CNTN1: variants seen among roughly 807,000 people sequenced by gnomAD.
CNTN1 encodes the protein contactin-1.
Under a neutral mutation model 126.4 loss-of-function variants are expected in CNTN1, and 38 were observed. The ratio of observed to expected loss-of-function variants is 0.30; its 90% CI spans 0.23 to 0.39. CNTN1 has a LOEUF of 0.39. Among genes scored for constraint, CNTN1 ranks in the 10% least tolerant of loss-of-function variants. The probability of loss-of-function intolerance (pLI) is 1.00; values close to 1 mark genes in which losing one functional copy is unlikely to be tolerated. For missense variants in CNTN1, 1,009 were observed against 1,248.4 expected (o/e 0.81, Z 2.89); for synonymous variants, 413 against 422.6 (o/e 0.98, Z 0.28).
chr12:40,726,080 C>T (rs1292033780), intron 1 of CNTN1, among the ~76,000 whole-genome samples: 1 of 151,682 alleles, frequency 6.6e-6, no homozygotes, highest in Non-Finnish European at 1.5e-5. Context: ...AAAATAAAAC[C>T]TTTGTTTAAT....
intron 15 of CNTN1, among the ~76,000 whole-genome samples, chr12:40,966,643 A>C (rs756456898): frequency 6.6e-6 from 1 of 152,206 alleles, no homozygotes; most frequent in Non-Finnish European, 1.5e-5. Context: ...TTTAAAGTAC[A>C]TCAATAATTT....
chr12:40,867,631 A>C (rs549560873), intron 1 of CNTN1, among the ~76,000 whole-genome samples: 2 of 152,134 alleles, frequency 1.3e-5, no homozygotes, highest in Non-Finnish European at 2.9e-5. Context: ...TTGTCAATTT[A>C]AAAATAACTT....
At chr12:40,935,410 G>A (rs1296002124) in intron 9 of CNTN1, among the ~76,000 whole-genome samples, 1 of 151,972 alleles carries the variant, frequency 6.6e-6, no homozygotes, top group Non-Finnish European at 1.5e-5. Context: ...AGGTGACAGA[G>A]CACATATTTA....
chr12:40,851,126 C>A (rs752235188), intron 1 of CNTN1, among the ~76,000 whole-genome samples: 2 of 152,114 alleles, frequency 1.3e-5, no homozygotes, highest in Non-Finnish European at 2.9e-5. Context: ...TTTTCCAAAG[C>A]CTTTGAGTAG....
chr12:40,912,706 C>A (rs548052221), intron 3 of CNTN1, among the ~76,000 whole-genome samples: 2 of 151,836 alleles, frequency 1.3e-5, no homozygotes, highest in Non-Finnish European at 2.9e-5. Context: ...CTTTACAGTA[C>A]TTGCACCAAG....
intron 23 of CNTN1, among the ~76,000 whole-genome samples, chr12:41,053,304 T>C (rs1253958327): frequency 1.3e-5 from 2 of 150,194 alleles, no homozygotes; most frequent in African/African-American, 4.9e-5. Context: ...AATGGCTGAC[T>C]AAACTTCTAA....
chr12:40,933,868 T>C lies in CNTN1; in HGVS notation c.975T>C (p.Ile325=), dbSNP rs1945985063. 1 of 1,611,024 alleles carries C rather than the reference T, an allele frequency of 6.2e-7. No homozygotes were observed. Among genetic ancestry groups the C allele is most frequent in the African/African-American group, 1.3e-5 (1 of 74,802 alleles). ...GAAAGGATAAACATCAAGCAAGAAT[T>C]TATGTTCAAGGTAGATACATTATTT... ...IRGKDKHQAR[I]YVQAFPEWVE... The change falls in exon 9 of 24, where the codon ATT becomes ATC. Residue 325 remains isoleucine, a synonymous_variant. Coordinates refer to ENST00000551295, the MANE Select transcript of CNTN1 (RefSeq NM_001843.4).
intron 12 of CNTN1, among the ~76,000 whole-genome samples, chr12:40,942,360 C>A (rs911978719): frequency 6.6e-6 from 1 of 152,022 alleles, no homozygotes; most frequent in African/African-American, 2.4e-5. Context: ...CAGGTCTGAT[C>A]CCAGATGAAG....
At chr12:40,868,478 A>G (rs893905018) in intron 1 of CNTN1, among the ~76,000 whole-genome samples, 4 of 152,110 alleles carry the variant, frequency 2.6e-5, no homozygotes, top group Non-Finnish European at 4.4e-5. Flanking sequence ...CAGTCGCTAT[A>G]ATAATTTCTA....
chr12:40,918,703 A>T lies in CNTN1; in HGVS notation c.159A>T (p.Pro53=). The T allele has an allele frequency of 1.2e-6, 2 of 1,613,716 alleles. No individual in the cohort carries two copies. Among genetic ancestry groups the T allele is most frequent in the Non-Finnish European group, 1.7e-6 (2 of 1,179,674 alleles). ...FEEQPINTIY[P]EESLEGKVSL... ...AGCAGCCAATCAATACCATTTATCC[A>T]GAGGAATCACTGGAAGGAAAAGTCT... The change falls in exon 4 of 24, where the codon CCA becomes CCT. Residue 53 remains proline, a synonymous_variant. Transcript: ENST00000551295.
chr12:40,808,735 C>T (rs950756822), intron 1 of CNTN1, among the ~76,000 whole-genome samples: 4 of 152,038 alleles, frequency 2.6e-5, no homozygotes, highest in African/African-American at 9.7e-5. Context: ...ATTCCAACCA[C>T]CAGATTGGGT....
At chr12:40,810,287 A>G (rs1941010427) in intron 1 of CNTN1, among the ~76,000 whole-genome samples, 1 of 152,210 alleles carries the variant, frequency 6.6e-6, no homozygotes, top group African/African-American at 2.4e-5. Context: ...TGAGTCACAA[A>G]GTGATGTTTT....
At chr12:40,886,877 T>C (rs1408738188) in intron 1 of CNTN1, among the ~76,000 whole-genome samples, 1 of 152,236 alleles carries the variant, frequency 6.6e-6, no homozygotes, top group Non-Finnish European at 1.5e-5. Context: ...CAGATAGTTG[T>C]AGATATGTGG....
At chr12:40,822,401 C>A (rs561724738) in intron 1 of CNTN1, among the ~76,000 whole-genome samples, 1 of 151,624 alleles carries the variant, frequency 6.6e-6, no homozygotes, top group Admixed American at 6.6e-5. Context: ...GTGATCCGCT[C>A]GCCTCGGGCT....
chr12:40,702,637 T>C (rs1022187490), intron 1 of CNTN1, among the ~76,000 whole-genome samples: 1 of 152,066 alleles, frequency 6.6e-6, no homozygotes, highest in African/African-American at 2.4e-5. Flanking sequence ...ATAGAGGCCA[T>C]GTTGGCCAGG....
intron 23 of CNTN1, among the ~76,000 whole-genome samples, chr12:41,043,894 C>G (rs1430467679): frequency 6.8e-6 from 1 of 146,892 alleles, no homozygotes; most frequent in Non-Finnish European, 1.5e-5. Context: ...TAAACTATCG[C>G]AAGGACAAAA....
At chr12:40,710,815 C>T (rs1941894192) in intron 1 of CNTN1, among the ~76,000 whole-genome samples, 1 of 152,064 alleles carries the variant, frequency 6.6e-6, no homozygotes, top group Non-Finnish European at 1.5e-5. Flanking sequence ...CAAGGAATTT[C>T]TTATGGGTTC....
chr12:40,987,858 T>C (rs1306373451), intron 16 of CNTN1, among the ~76,000 whole-genome samples: 1 of 152,160 alleles, frequency 6.6e-6, no homozygotes, highest in Non-Finnish European at 1.5e-5. Flanking sequence ...GAGTATCTCT[T>C]CTGCCATATC....
At chr12:41,008,309 G>A (rs1280728898) in intron 17 of CNTN1, among the ~76,000 whole-genome samples, 1 of 152,088 alleles carries the variant, frequency 6.6e-6, no homozygotes, top group Non-Finnish European at 1.5e-5. Flanking sequence ...ATAACAGTAG[G>A]GTTTGTTACC....
Sources: gnomAD v4.1 joint callset for allele counts (sites outside exome capture counted in the v4.1 genomes callset) on GRCh38, gnomAD v4.1.1 for gene constraint, MANE v1.5 for transcripts, NCBI Gene and HGNC (gene_info 2026-07-23, HGNC 2026-07-21) for gene names.